FBXO9: variants seen among roughly 807,000 people sequenced by gnomAD.
FBXO9 encodes F-box only protein 9.
FBXO9 carries 43 observed loss-of-function variants against 63.7 expected under a neutral mutation model. The ratio of observed to expected loss-of-function variants is 0.67; its 90% CI spans 0.53 to 0.87. The LOEUF is 0.87. FBXO9 is among the 40% of genes least tolerant of loss of function. FBXO9 has a pLI of 0.00. For missense variants in FBXO9, 442 were observed against 533.2 expected (o/e 0.83, Z 1.68); for synonymous variants, 156 against 171.7 (o/e 0.91, Z 0.72).
intron 7 of FBXO9, chr6:53,092,227 G>T (rs1050698511): frequency 2.0e-6 from 1 of 508,344 alleles, no homozygotes; most frequent in East Asian, 3.3e-5. Context: ...TGCACTAAGC[G>T]TACTACCAGA....
intron 3 of FBXO9, 87 bp from the exon 4 acceptor site, chr6:53,076,399 C>A (rs1581812012): frequency 2.5e-6 from 2 of 810,656 alleles, no homozygotes; most frequent in South Asian, 3.5e-5. Flanking sequence ...AGTTATTTTG[C>A]ACAATTTATT....
At chr6:53,076,979 G>C (rs1769135071) in intron 4 of FBXO9, among the ~76,000 whole-genome samples, 1 of 152,100 alleles carries the variant, frequency 6.6e-6, no homozygotes, top group East Asian at 1.9e-4. Context: ...ACATCATCAT[G>C]TTGGTAGGAT....
upstream of FBXO9, chr6:53,065,111 G>A (rs1768635495): frequency 6.6e-6 from 1 of 152,244 alleles, no homozygotes; most frequent in African/African-American, 2.4e-5. Context: ...AGGCTCCGAG[G>A]ACTTTGTAGC....
chr6:53,096,334 A>G (rs1425498959), intron 12 of FBXO9, among the ~76,000 whole-genome samples: 1 of 152,214 alleles, frequency 6.6e-6, no homozygotes, highest in Non-Finnish European at 1.5e-5. Flanking sequence ...GTTCAATTTG[A>G]AAGAATATTG....
intron 4 of FBXO9, among the ~76,000 whole-genome samples, chr6:53,078,585 A>G (rs1769199591): frequency 6.6e-6 from 1 of 152,254 alleles, no homozygotes; most frequent in Admixed American, 6.5e-5. Flanking sequence ...AATATATAAG[A>G]GTAAAATACA....
chr6:53,093,775 T>A, intron 10 of FBXO9, 110 bp from the exon 11 acceptor site: 1 of 955,166 alleles, frequency 1.0e-6, no homozygotes, highest in Non-Finnish European at 1.6e-6. Flanking sequence ...TACTCAATCC[T>A]AGCTGATTCT....
chr6:53,090,822 A>T (rs567156377), intron 7 of FBXO9: 1 of 152,096 alleles, frequency 6.6e-6, no homozygotes, highest in South Asian at 2.1e-4. Context: ...CTGGAACTAC[A>T]GGCATGTGTC....
intron 1 of FBXO9, among the ~76,000 whole-genome samples, chr6:53,066,757 T>C (rs1385790255): frequency 6.6e-6 from 1 of 152,254 alleles, no homozygotes; most frequent in Non-Finnish European, 1.5e-5. Context: ...GATGAAGACA[T>C]GGACTACTCA....
chr6:53,092,930 C>T (rs1197581579), intron 9 of FBXO9, 106 bp downstream of exon 9: 2 of 639,764 alleles, frequency 3.1e-6, no homozygotes, highest in East Asian at 3.0e-5. Context: ...AAATGGCCCT[C>T]AGTATTTTTA....
chr6:53,092,178 T>G (rs1763057647), intron 7 of FBXO9: 1 of 376,158 alleles, frequency 2.7e-6, no homozygotes, highest in East Asian at 5.1e-5. Flanking sequence ...CCACCATCAT[T>G]TCTGTCTGCT....
chr6:53,080,297 GT>G (rs112716908), intron 5 of FBXO9, among the ~76,000 whole-genome samples: 1,875 of 140,058 alleles, frequency 0.013, 37 homozygotes, highest in African/African-American at 0.044. Flanking sequence ...GCCCTTCCTG[GT>G]TTTTTTTTTT....
chr6:53,097,586 T>C (rs940820694), intron 12 of FBXO9, 136 bp from the exon 13 acceptor site: 4 of 442,880 alleles, frequency 9.0e-6, no homozygotes, highest in African/African-American at 8.1e-5. Context: ...ACAATATGCC[T>C]ATATTATATA....
chr6:53,078,799 C>T lies in FBXO9; in HGVS notation c.308C>T (p.Ala103Val). 2 of 1,605,956 alleles carry T rather than the reference C, an allele frequency of 1.2e-6. No homozygotes were observed. Among genetic ancestry groups the T allele is most frequent in the Non-Finnish European group, 1.7e-6 (2 of 1,173,190 alleles). ...EEEQNGALYE[A>V]IKFYRRAMQL... ...AATTTAGCTTTATTTCTTCTTTTAG[C>T]CATCAAGTTTTATCGTAGGGCTATG... The change falls in exon 5 of 13, where the codon GCC becomes GTC. Residue 103 changes from alanine (A) to valine (V), a missense_variant and splice_region_variant. Around this residue, in one of 2 missense-constraint regions of FBXO9, gnomAD observed 180 missense variants for 171.1 expected, o/e 1.05. Coordinates refer to ENST00000323557, the MANE Select transcript of FBXO9 (RefSeq NM_033480.3).
intron 10 of FBXO9, 100 bp from the exon 11 acceptor site, chr6:53,093,785 T>C (rs973873584): frequency 2.0e-6 from 2 of 1,015,480 alleles, no homozygotes; most frequent in Non-Finnish European, 1.4e-6. Flanking sequence ...TAGCTGATTC[T>C]TTTCAAGCAA....
intron 2 of FBXO9, among the ~76,000 whole-genome samples, 159 bp downstream of exon 2, chr6:53,071,302 T>G: frequency 6.6e-6 from 1 of 152,250 alleles, no homozygotes; most frequent in Non-Finnish European, 1.5e-5. Flanking sequence ...TGTTATGGCT[T>G]TCTTTGTGAA....
rs939891632 is a variant in FBXO9 at position 53,095,695 on chromosome 6, A to T, written c.1205+31A>T. Reference sequence around the variant, plus strand: ...TGAATGCAATAAAAATAACAAGGTTACACTATAAATGTATACTTCGTATCC... The same window carrying T: ...TGAATGCAATAAAAATAACAAGGTTTCACTATAAATGTATACTTCGTATCC... On this transcript the variant is annotated intron_variant, in intron 12 of 12. Transcript: ENST00000323557. The T allele has an allele frequency of 1.5e-5, 23 of 1,574,474 alleles. No homozygotes were observed. In the Admixed American group the frequency reaches 3.1e-4, roughly 21 times the overall value.
chr6:53,075,078 G>C (rs1769050420), intron 3 of FBXO9, among the ~76,000 whole-genome samples: 1 of 152,106 alleles, frequency 6.6e-6, no homozygotes, highest in Non-Finnish European at 1.5e-5. Context: ...CAATGTATGA[G>C]TGATCCAGTT....
chr6:53,088,685 G>A (rs559827559), intron 7 of FBXO9, among the ~76,000 whole-genome samples: 74 of 150,226 alleles, frequency 4.9e-4, no homozygotes, highest in African/African-American at 1.7e-3. Context: ...TGCAACCTCC[G>A]CCTTGCGGGT....
intron 3 of FBXO9, among the ~76,000 whole-genome samples, chr6:53,073,949 A>G (rs987454128): frequency 2.0e-5 from 3 of 152,170 alleles, no homozygotes; most frequent in Non-Finnish European, 4.4e-5. Flanking sequence ...CTCTGAATTT[A>G]TTAACAGAAC....
Sources: gnomAD v4.1 joint callset for allele counts (sites outside exome capture counted in the v4.1 genomes callset) on GRCh38, gnomAD v4.1.1 for gene constraint, gnomAD v4.1.1 regional missense constraint, MANE v1.5 for transcripts, NCBI Gene and HGNC (gene_info 2026-07-23, HGNC 2026-07-21) for gene names.